Variants in SERF2 observed in about 807,000 individuals in gnomAD.
SERF2 encodes gastric cancer-related protein VRG107.
Under a neutral mutation model 10.7 loss-of-function variants are expected in SERF2, and 4 were observed. That is an observed-to-expected ratio of 0.37 (90% confidence interval 0.18 to 0.86). The LOEUF is 0.86. Among genes scored for constraint, SERF2 ranks in the 40% least tolerant of loss-of-function variants. SERF2 has a pLI of 0.43. For synonymous variants in SERF2, 26 were observed against 26.0 expected (o/e 1.00, Z 0.01); for missense variants, 47 against 79.1 (o/e 0.59, Z 1.54).
At chr15:43,792,739 A>G (rs1567167485) in intron 1 of SERF2, 2 of 825,296 alleles carry the variant, frequency 2.4e-6, no homozygotes, top group African/African-American at 3.4e-5. Context: ...GCCGCCCCAA[A>G]ACACGCCTCC....
At chr15:43,785,630 T>G (rs1409403323) in intron 2 of SERF2, 1 of 151,988 alleles carries the variant, frequency 6.6e-6, no homozygotes, top group African/African-American at 2.4e-5. Context: ...CTATTTATAG[T>G]CCTGTGTCTC....
At chr15:43,783,927 A>ATTTTTTTTTTTTT (rs71111825) in intron 1 of SERF2, among the ~76,000 whole-genome samples, 52 of 48,148 alleles carry the variant, frequency 1.1e-3, no homozygotes, top group East Asian at 1.6e-3. Flanking sequence ...ACGCCCAGCT[A>ATTTTTTTTTTTTT]TTTTTTTTTT....
chr15:43,784,911 C>T (rs368502908), intron 1 of SERF2, among the ~76,000 whole-genome samples: 1 of 151,100 alleles, frequency 6.6e-6, no homozygotes, highest in African/African-American at 2.4e-5. Flanking sequence ...CACCATCACG[C>T]TTGGCTAATT....
rs2087196304 is a variant in SERF2 at position 43,795,657 on chromosome 15, C to T, written c.*1884C>T. 3.7e-6 allele frequency: 6 copies of T among 1,612,566 alleles called. No individual in the cohort carries two copies. The highest frequency in any genetic ancestry group is 5.1e-6 in the Non-Finnish European group (6 of 1,179,018). On this transcript the variant is annotated 3_prime_UTR_variant, in exon 3 of 3. Transcript: ENST00000249786. ...CTTATGGCACTCCACAGAGATCTACCACTTCTTATGGTTCCTCACTTGGCA... is the reference window on the plus strand; with the variant it reads ...CTTATGGCACTCCACAGAGATCTACTACTTCTTATGGTTCCTCACTTGGCA...
At chr15:43,785,360 C>T (rs28697876) in intron 1 of SERF2, 4,682 of 152,010 alleles carry the variant, frequency 0.031, 155 homozygotes, top group Admixed American at 0.092. Context: ...TGATCCACCG[C>T]GCCCCGCCTG....
At chr15:43,791,950 C>T (rs929062715), upstream of SERF2, 6 of 253,842 alleles carry the variant, frequency 2.4e-5, no homozygotes, top group Admixed American at 1.4e-4. Context: ...GAAACCCCGC[C>T]CTCTTGTCTA....
intron 1 of SERF2, among the ~76,000 whole-genome samples, chr15:43,783,199 G>C (rs1490402387): frequency 1.3e-5 from 2 of 151,864 alleles, no homozygotes; most frequent in Admixed American, 6.6e-5. Flanking sequence ...GTAGAGACAG[G>C]GTTTCACCAC....
chr15:43,778,355 C>CTGA (rs1168860226), intron 1 of SERF2, among the ~76,000 whole-genome samples: 1 of 151,804 alleles, frequency 6.6e-6, no homozygotes, highest in Non-Finnish European at 1.5e-5. Flanking sequence ...ATATCCTAAT[C>CTGA]TGATAAACAG....
chr15:43,777,537 G>T (rs2086930265), intron 1 of SERF2: 1 of 179,258 alleles, frequency 5.6e-6, no homozygotes, highest in African/African-American at 2.4e-5. Flanking sequence ...TGGCAGCAGT[G>T]AAAGTTGGCT....
rs201862042 is a variant in SERF2 at position 43,792,370 on chromosome 15, C to G, written c.-7C>G. On this transcript the variant is annotated 5_prime_UTR_variant, in exon 1 of 3. Transcript: ENST00000249786. ...AACGGAGGCAGGTTGGAGCCGCTGC[C>G]GTCGCCATGACCCGTGAGCACCGAG... is the stretch of plus-strand genomic sequence containing the variant. The G allele has an allele frequency of 5.1e-5, 82 of 1,611,598 alleles. No homozygotes were observed. The Admixed American group carries it at 8.7e-4, about 17-fold the overall frequency.
chr15:43,793,698 C>T lies in SERF2; in HGVS notation c.117-12C>T. On this transcript the variant is annotated splice_polypyrimidine_tract_variant and intron_variant, in intron 2 of 2. Coordinates refer to ENST00000249786, the MANE Select transcript of SERF2 (RefSeq NM_001018108.4). Reference sequence around the variant, plus strand: ...CTGGTACCTCCCAGTGCCCCATCATCTCTACCCCCAGGGACTCGGAGATCA... The same window carrying T: ...CTGGTACCTCCCAGTGCCCCATCATTTCTACCCCCAGGGACTCGGAGATCA... 6.2e-7 allele frequency: 1 copy of T among 1,614,198 alleles called. No homozygotes were observed. Among genetic ancestry groups the T allele is most frequent in the Non-Finnish European group, 8.5e-7 (1 of 1,180,036 alleles).
intron 1 of SERF2, among the ~76,000 whole-genome samples, chr15:43,779,254 A>G (rs1219306376): frequency 6.6e-6 from 1 of 152,096 alleles, no homozygotes; most frequent in Non-Finnish European, 1.5e-5. Flanking sequence ...CATTTTTCTC[A>G]GTGAAGTAGG....
chr15:43,779,406 A>G (rs529640279), intron 1 of SERF2, among the ~76,000 whole-genome samples: 70 of 152,350 alleles, frequency 4.6e-4, no homozygotes, highest in African/African-American at 1.6e-3. Context: ...TCTGAGGCTT[A>G]GAGAAGCAGA....
Position 43,794,131 on chromosome 15 carries a change from TTAGA to T in SERF2, c.*360_*363del. 1.5e-6 allele frequency: 1 copy of T among 663,666 alleles called. No individual in the cohort carries two copies. The highest frequency in any genetic ancestry group is 2.8e-5 in the East Asian group (1 of 35,980). The allele number at this position is 663,666 out of a possible 1,614,324, so 41.1% of individuals were successfully genotyped here. A position where few individuals can be genotyped will look rare whatever the true frequency, so the allele number is the denominator to read the frequency against. On this transcript the variant is annotated 3_prime_UTR_variant, in exon 3 of 3. Transcript: ENST00000249786. ...TTCCCACCAAAAAAGGGAGAACTCT[TTAGA>T]TTCAGATTGTGGGTATGTAGACTTA... is the stretch of plus-strand genomic sequence containing the variant.
intron 1 of SERF2, among the ~76,000 whole-genome samples, chr15:43,784,999 C>G (rs534688038): frequency 1.4e-3 from 148 of 105,548 alleles, no homozygotes; most frequent in African/African-American, 5.1e-3. Context: ...GTGATCCGCT[C>G]ACATCAGCCT....
chr15:43,784,831 C>A (rs1359907056), intron 1 of SERF2, among the ~76,000 whole-genome samples: 2 of 151,706 alleles, frequency 1.3e-5, no homozygotes, highest in African/African-American at 4.8e-5. Flanking sequence ...TGGCTCACTG[C>A]AACCTCCACC....
chr15:43,785,036 A>T (rs1205122974), intron 1 of SERF2, among the ~76,000 whole-genome samples: 1 of 150,304 alleles, frequency 6.7e-6, no homozygotes, highest in African/African-American at 2.5e-5. Context: ...TACAGGCGTG[A>T]GCCACTGTGC....
intron 2 of SERF2, chr15:43,793,296 C>T: frequency 1.8e-6 from 1 of 568,868 alleles, no homozygotes; most frequent in Non-Finnish European, 3.1e-6. Context: ...TGCCCTCAGT[C>T]TGATTTCTGA....
At chr15:43,782,197 A>T (rs1359031608) in intron 1 of SERF2, among the ~76,000 whole-genome samples, 1 of 152,100 alleles carries the variant, frequency 6.6e-6, no homozygotes, top group African/African-American at 2.4e-5. Context: ...CCCTACTTCT[A>T]TTTTTAAAAT....
Sources: allele counts gnomAD v4.1 joint callset (sites outside exome capture counted in the v4.1 genomes callset), GRCh38; gene constraint gnomAD v4.1.1; transcripts MANE v1.5; gene names NCBI Gene and HGNC (gene_info 2026-07-23, HGNC 2026-07-21).